The following DYNAP variants were observed in gnomAD, a reference collection of about 807,000 sequenced individuals.
The protein encoded by DYNAP is dynactin-associated protein.
DYNAP carries 7 observed loss-of-function variants against 8.5 expected under a neutral mutation model. The ratio of observed to expected loss-of-function variants is 0.82; its 90% CI spans 0.47 to 1.54. The LOEUF is 1.54. Among genes scored for constraint, DYNAP ranks in the 40% most tolerant of loss-of-function variants. The pLI, the probability that DYNAP is intolerant of heterozygous loss-of-function variation, is 0.01. For missense variants in DYNAP, 256 were observed against 224.3 expected (o/e 1.14, Z -0.90); for synonymous variants, 77 against 77.9 (o/e 0.99, Z 0.06).
intron 2 of DYNAP, among the ~76,000 whole-genome samples, chr18:54,595,686 A>G (rs903034719): frequency 3.3e-5 from 5 of 152,032 alleles, no homozygotes; most frequent in African/African-American, 1.2e-4. Context: ...TCCTGACCTC[A>G]TGTCCTGTAG....
chr18:54,578,475 A>G, the DYNAP span, among the ~76,000 whole-genome samples: 1 of 152,234 alleles, frequency 6.6e-6, no homozygotes, highest in Non-Finnish European at 1.5e-5. Flanking sequence ...CAACTAAAAT[A>G]TTACTCAAGG....
At chr18:54,579,372 T>G in the DYNAP span, among the ~76,000 whole-genome samples, 6 of 150,140 alleles carry the variant, frequency 4.0e-5, no homozygotes, top group Non-Finnish European at 7.4e-5. Flanking sequence ...TTCTAGAACT[T>G]TCAAAACTCA....
At chr18:54,595,558 G>A (rs879328751) in intron 2 of DYNAP, among the ~76,000 whole-genome samples, 2 of 152,026 alleles carry the variant, frequency 1.3e-5, no homozygotes, top group Non-Finnish European at 2.9e-5. Flanking sequence ...CCTGTGTGTG[G>A]CACTTTCTTT....
the DYNAP span, among the ~76,000 whole-genome samples, chr18:54,577,145 G>A: frequency 6.6e-6 from 1 of 152,148 alleles, no homozygotes; most frequent in Admixed American, 6.5e-5. Context: ...TGAAAGAAAT[G>A]CTTGCCTAAA....
upstream of DYNAP, among the ~76,000 whole-genome samples, chr18:54,590,138 T>C (rs1031452999): frequency 1.4e-4 from 22 of 152,118 alleles, no homozygotes; most frequent in African/African-American, 4.8e-4. Flanking sequence ...CAAACTGAAA[T>C]TGTGTATTCA....
At chr18:54,581,381 C>A in the DYNAP span, among the ~76,000 whole-genome samples, 1 of 152,312 alleles carries the variant, frequency 6.6e-6, no homozygotes, top group South Asian at 2.1e-4. Context: ...GCTTTGTTTA[C>A]ATTTTCTGGA....
At chr18:54,581,370 C>G in the DYNAP span, among the ~76,000 whole-genome samples, 1 of 152,160 alleles carries the variant, frequency 6.6e-6, no homozygotes, top group African/African-American at 2.4e-5. Context: ...AACATGAACA[C>G]GCTTTGTTTA....
rs1393503082 is a variant in DYNAP at position 54,597,815 on chromosome 18, A to T, written c.225A>T (p.Val75=). The part of the protein sequence containing the change: ...CLQSESCNTQ[V]KEYCRNDWSM... ...GATATTTTTATATACATGCTTAGGT[A>T]AAAGAATATTGCCGCAATGACTGGT... is the stretch of plus-strand genomic sequence containing the variant. Residue 75 remains valine (V), a splice_region_variant and synonymous_variant, in exon 3 of 3, where the codon GTA becomes GTT. Coordinates refer to ENST00000648945, the MANE Select transcript of DYNAP (RefSeq NM_173629.3). The T allele has an allele frequency of 1.2e-6, 2 of 1,602,558 alleles. No individual in the cohort carries two copies. The highest frequency in any genetic ancestry group is 1.7e-6 in the Non-Finnish European group (2 of 1,172,132).
chr18:54,583,302 T>C (rs1006576711), upstream of DYNAP, among the ~76,000 whole-genome samples: 1 of 152,204 alleles, frequency 6.6e-6, no homozygotes, highest in Non-Finnish European at 1.5e-5. Flanking sequence ...GTGCAGCCTG[T>C]CACCATAAAA....
At chr18:54,578,195 C>T in the DYNAP span, among the ~76,000 whole-genome samples, 1 of 152,064 alleles carries the variant, frequency 6.6e-6, no homozygotes, top group Non-Finnish European at 1.5e-5. Flanking sequence ...CATGGACTGG[C>T]CCTGAACTTT....
At chr18:54,585,965 A>G (rs1397318582), upstream of DYNAP, among the ~76,000 whole-genome samples, 2 of 152,200 alleles carry the variant, frequency 1.3e-5, no homozygotes. Context: ...GAACAGGGCT[A>G]TGATGTTCCA....
At chr18:54,591,391 T>C in intron 1 of DYNAP, 52 bp downstream of exon 1, 1 of 1,551,372 alleles carries the variant, frequency 6.4e-7, no homozygotes, top group Non-Finnish European at 8.7e-7. Context: ...AGTTTCATTT[T>C]CAGCATTTAA....
chr18:54,586,148 A>C (rs2050955683), upstream of DYNAP, among the ~76,000 whole-genome samples: 1 of 152,118 alleles, frequency 6.6e-6, no homozygotes, highest in Admixed American at 6.5e-5. Context: ...TGATTCTAAT[A>C]AGCAGTCTAT....
At chr18:54,586,262 TG>T (rs1910874918), upstream of DYNAP, among the ~76,000 whole-genome samples, 1 of 152,170 alleles carries the variant, frequency 6.6e-6, no homozygotes, top group South Asian at 2.1e-4. Context: ...CTCCAAAAGC[TG>T]GGGCCTTGAT....
chr18:54,577,363 G>A, the DYNAP span, among the ~76,000 whole-genome samples: 1 of 151,986 alleles, frequency 6.6e-6, no homozygotes, highest in African/African-American at 2.4e-5. Context: ...CAGGTGAGAG[G>A]ACCACTTGAG....
rs1911396920 is a variant in DYNAP at position 54,598,172 on chromosome 18, A to G, written c.*27A>G. 2 of 1,577,594 alleles carry G rather than the reference A, an allele frequency of 1.3e-6. No individual in the cohort carries two copies. Among genetic ancestry groups the G allele is most frequent in the Non-Finnish European group, 1.7e-6 (2 of 1,159,734 alleles). On this transcript the variant is annotated 3_prime_UTR_variant, in exon 3 of 3. Coordinates refer to ENST00000648945, the MANE Select transcript of DYNAP (RefSeq NM_173629.3). ...TTGAACAGCCATAGCCATCACTTCA[A>G]CTGAAACTTCAACCTCTACCACTTC...
At position 54,591,273 on chromosome 18, in the gene DYNAP, C is replaced by T; in HGVS notation, c.-10C>T. 6.2e-7 allele frequency: 1 copy of T among 1,612,566 alleles called. No individual in the cohort carries two copies. Among genetic ancestry groups the T allele is most frequent in the South Asian group, 1.1e-5 (1 of 90,936 alleles). ...CTTGGAGAGAAGCTTGTGATACTGG[C>T]AGCTCAAGAATGGACAGAAAGCATG... is the stretch of plus-strand genomic sequence containing the variant. On this transcript the variant is annotated 5_prime_UTR_variant, in exon 1 of 3. Coordinates refer to ENST00000648945, the MANE Select transcript of DYNAP (RefSeq NM_173629.3).
the DYNAP span, among the ~76,000 whole-genome samples, chr18:54,578,154 A>G: frequency 2.0e-5 from 3 of 152,116 alleles, no homozygotes; most frequent in Non-Finnish European, 1.5e-5. Context: ...AAAGAAGGCA[A>G]CTGGAAACTT....
the DYNAP span, among the ~76,000 whole-genome samples, chr18:54,580,407 T>G: frequency 1.3e-5 from 2 of 152,250 alleles, no homozygotes; most frequent in African/African-American, 4.8e-5. Context: ...TCTGCCACTA[T>G]TATCGTGTCA....
Sources: allele counts gnomAD v4.1 joint callset (sites outside exome capture counted in the v4.1 genomes callset), GRCh38; gene constraint gnomAD v4.1.1; transcripts MANE v1.5; gene names NCBI Gene and HGNC (gene_info 2026-07-23, HGNC 2026-07-21).